Variants in LIN37 observed in about 807,000 individuals in gnomAD.
LIN37 encodes the protein lin-37 DREAM MuvB core complex component.
A neutral mutation model predicts 38.0 loss-of-function variants in LIN37; 21 were observed. The ratio of observed to expected loss-of-function variants is 0.55; its 90% CI spans 0.39 to 0.80. The LOEUF is 0.80. Among genes scored for constraint, LIN37 ranks in the 30% least tolerant of loss-of-function variants. LIN37 has a pLI of 0.00. For synonymous variants in LIN37, 126 were observed against 122.9 expected, an observed-to-expected ratio of 1.03 and a Z score of -0.17; for missense variants, 273 against 338.5, an observed-to-expected ratio of 0.81 and a Z score of 1.52.
Position 35,752,461 on chromosome 19 carries a change from A to G in LIN37, c.138A>G (p.Lys46=). 3 of 1,613,940 alleles carry G rather than the reference A, an allele frequency of 1.9e-6. No homozygotes were observed. Among genetic ancestry groups the G allele is most frequent in the East Asian group, 2.2e-5 (1 of 44,868 alleles). Residue 46 remains lysine, a synonymous_variant, in exon 3 of 9, where the codon AAA becomes AAG. Coordinates refer to ENST00000301159, the MANE Select transcript of LIN37 (RefSeq NM_019104.3). ...AGCGTCTGGATGAGGAAGCTGGGAA[A>G]ACACCCTCAGACACCCACAATAAGT... The part of the protein sequence containing the change: ...DRERLDEEAG[K]TPSDTHNKDC...
Position 35,752,880 on chromosome 19 carries a change from TA to T in LIN37, c.192-33del, listed in dbSNP as rs770046993. 5.0e-6 allele frequency: 8 copies of T among 1,594,524 alleles called. No homozygotes were observed. In the Admixed American group the frequency reaches 1.4e-4, roughly 28 times the overall value. ...CAGCTGACTAGAGGCTCCCAGCTCC[TA>T]CCCCAGTCCTGACACTCCCTCTCCC... On this transcript the variant is annotated intron_variant, in intron 4 of 8. Transcript: ENST00000301159.
At chr19:35,753,968 C>T (rs755139834) in intron 6 of LIN37, 49 bp from the exon 7 acceptor site, 3 of 1,590,584 alleles carry the variant, frequency 1.9e-6, no homozygotes, top group South Asian at 2.2e-5. Flanking sequence ...ATTCCCAGCC[C>T]CTCTGCTTTG....
At chr19:35,750,850 C>T (rs1366854368) in intron 1 of LIN37, among the ~76,000 whole-genome samples, 4 of 151,812 alleles carry the variant, frequency 2.6e-5, no homozygotes, top group Non-Finnish European at 5.9e-5. Flanking sequence ...AGTCCCAGTT[C>T]TTTGGGAGGC....
In LIN37 at chr19:35,753,127, G is replaced by T. The variant is rs749336766; in HGVS notation, c.318G>T (p.Leu106Phe). The change falls in exon 6 of 9, where the codon TTG becomes TTT. Residue 106 changes from leucine to phenylalanine, a missense_variant. Physicochemically the swap from Leu to Phe is conservative, Grantham distance 22. Transcript: ENST00000301159. ...AGCTGTTCGACCGGAGCGTGGACTT[G>T]GCCCAGTTCAGCGAGAACACGCCAC... Reference protein sequence around the residue: ...VIKLFDRSVDLAQFSENTPLY... With the variant: ...VIKLFDRSVDFAQFSENTPLY... 1 of 1,604,738 alleles carries T rather than the reference G, an allele frequency of 6.2e-7. No homozygotes were observed. Among genetic ancestry groups the T allele is most frequent in the South Asian group, 1.1e-5 (1 of 89,016 alleles).
intron 1 of LIN37, 122 bp downstream of exon 1, chr19:35,748,880 TCG>T (rs1254513265): frequency 1.3e-6 from 2 of 1,592,028 alleles, no homozygotes; most frequent in Non-Finnish European, 1.7e-6. Context: ...CACCTGACAA[TCG>T]CTGTATCAGG....
chr19:35,751,415 G>A (rs909978441), intron 1 of LIN37, among the ~76,000 whole-genome samples: 2 of 152,216 alleles, frequency 1.3e-5, no homozygotes, highest in African/African-American at 4.8e-5. Flanking sequence ...CATAACTTCA[G>A]CTTTGGAACC....
At chr19:35,752,733 G>A (rs1970695331) in intron 3 of LIN37, 71 bp from the exon 4 acceptor site, 2 of 1,561,208 alleles carry the variant, frequency 1.3e-6, no homozygotes, top group South Asian at 2.3e-5. Context: ...TTTGATACCA[G>A]TATCCCCAGG....
At chr19:35,750,364 C>T (rs1970665337) in intron 1 of LIN37, among the ~76,000 whole-genome samples, 1 of 152,200 alleles carries the variant, frequency 6.6e-6, no homozygotes, top group South Asian at 2.1e-4. Context: ...TCCCCACCCT[C>T]ACTCTGTCTC....
chr19:35,748,597 C>T lies in LIN37; in HGVS notation c.-128C>T, dbSNP rs1200928071. On this transcript the variant is annotated 5_prime_UTR_variant, in exon 1 of 9. Coordinates refer to ENST00000301159, the MANE Select transcript of LIN37 (RefSeq NM_019104.3). ...GGCCACGGTCCAGGCTGGACACAAC[C>T]AAAGGCGGAGGACCCGTGGCCCACG... The T allele has an allele frequency of 1.5e-6, 2 of 1,328,338 alleles. No individual in the cohort carries two copies. The highest frequency in any genetic ancestry group is 1.4e-5 in the African/African-American group (1 of 69,272). 82.3% of individuals were successfully genotyped at this position (1,328,338 alleles called of 1,614,324 possible).
chr19:35,752,259 A>G lies in LIN37; in HGVS notation c.110+8A>G, dbSNP rs1172811640. 5.0e-6 allele frequency: 8 copies of G among 1,603,412 alleles called. No homozygotes were observed. In the Admixed American group the frequency reaches 8.6e-5, roughly 17 times the overall value. On this transcript the variant is annotated splice_region_variant and intron_variant, in intron 2 of 8. Coordinates refer to ENST00000301159, the MANE Select transcript of LIN37 (RefSeq NM_019104.3). ...GAAGAGTCACATGGACAGGTAGGCC[A>G]GCGTGGGGTCACAGGGCCGGGCACC...
rs1970715744 is a variant in LIN37, at chr19:35,753,926, G to T, written c.445-91G>T. On this transcript the variant is annotated intron_variant, in intron 6 of 8. Transcript: ENST00000301159. ...CCTTAGCGAGCCCCTCATGCCATTT[G>T]TTGCTGGGAAAGGCAGGAGGGATGA... 4.1e-6 allele frequency: 6 copies of T among 1,462,414 alleles called. No homozygotes were observed. In the Admixed American group the frequency reaches 8.9e-5, roughly 22 times the overall value. The allele number at this position is 1,462,414 out of a possible 1,614,324, so 90.6% of individuals were successfully genotyped here. A position where few individuals can be genotyped will look rare whatever the true frequency, so the allele number is the denominator to read the frequency against.
rs528186824 is a variant in LIN37 at position 35,753,913 on chromosome 19, C to A, written c.445-104C>A. 25 of 1,357,226 alleles carry A rather than the reference C, an allele frequency of 1.8e-5. No individual in the cohort carries two copies. The South Asian group carries it at 2.7e-4, about 15-fold the overall frequency. 84.1% of individuals were successfully genotyped at this position (1,357,226 alleles called of 1,614,324 possible). A position where few individuals can be genotyped will look rare whatever the true frequency, so the allele number is the denominator to read the frequency against. ...TCCTGTCTGAGTCCCTTAGCGAGCC[C>A]CTCATGCCATTTGTTGCTGGGAAAG... On this transcript the variant is annotated intron_variant, in intron 6 of 8. Transcript: ENST00000301159.
chr19:35,753,531 G>A (rs1182213489), intron 6 of LIN37: 7 of 565,606 alleles, frequency 1.2e-5, no homozygotes, highest in South Asian at 9.8e-5. Context: ...CCCAAGAGCC[G>A]AGGGGCTAGA....
chr19:35,754,242 G>A lies in LIN37; in HGVS notation c.586-4G>A. Reference sequence around the variant, plus strand: ...CACTCAACCTGGCCTGTCTGTCCATGCAGCCCTCTGAGCCCGAGCCCTCAC... The same window carrying A: ...CACTCAACCTGGCCTGTCTGTCCATACAGCCCTCTGAGCCCGAGCCCTCAC... On this transcript the variant is annotated splice_region_variant and splice_polypyrimidine_tract_variant and intron_variant, in intron 7 of 8. Coordinates refer to ENST00000301159, the MANE Select transcript of LIN37 (RefSeq NM_019104.3). 2.5e-6 allele frequency: 4 copies of A among 1,614,036 alleles called. No homozygotes were observed. Among genetic ancestry groups the A allele is most frequent in the Non-Finnish European group, 3.4e-6 (4 of 1,179,894 alleles).
chr19:35,752,374 C>T (rs1033732685), intron 2 of LIN37, 60 bp from the exon 3 acceptor site: 21 of 1,594,810 alleles, frequency 1.3e-5, no homozygotes, highest in African/African-American at 4.0e-5. Flanking sequence ...GGAGGCTGCT[C>T]GGTGCCTTCC....
chr19:35,752,582 G>A (rs1164515577), intron 3 of LIN37, 98 bp downstream of exon 3: 13 of 1,384,492 alleles, frequency 9.4e-6, no homozygotes, highest in South Asian at 2.4e-5. Context: ...TACCTCCATC[G>A]TGGCCCGGAC....
intron 6 of LIN37, 65 bp from the exon 7 acceptor site, chr19:35,753,952 A>G (rs1205852399): frequency 2.4e-5 from 37 of 1,564,504 alleles, no homozygotes; most frequent in Non-Finnish European, 3.1e-5. Context: ...GGAGGGATGA[A>G]TGTGGATTCC....
intron 6 of LIN37, 99 bp from the exon 7 acceptor site, chr19:35,753,918 T>C: frequency 7.2e-7 from 1 of 1,396,902 alleles, no homozygotes; most frequent in East Asian, 2.3e-5. Context: ...GAGCCCCTCA[T>C]GCCATTTGTT....
Position 35,753,294 on chromosome 19 carries a change from A to G in LIN37, c.444+41A>G, listed in dbSNP as rs936773917. ...GGTCCCAGCCCAGCAGCCTGGTGCC[A>G]GGGCAGTGGGTGGATAGGCTCAAAG... On this transcript the variant is annotated intron_variant, in intron 6 of 8. Coordinates refer to ENST00000301159, the MANE Select transcript of LIN37 (RefSeq NM_019104.3). The G allele has an allele frequency of 3.9e-6, 6 of 1,538,752 alleles. No individual in the cohort carries two copies. The African/African-American group carries it at 6.8e-5, about 18-fold the overall frequency.
Sources: allele counts gnomAD v4.1 joint callset (sites outside exome capture counted in the v4.1 genomes callset), GRCh38; gene constraint gnomAD v4.1.1; transcripts MANE v1.5; gene names NCBI Gene and HGNC (gene_info 2026-07-23, HGNC 2026-07-21).